The following TRMT44 variants were observed in gnomAD, a reference collection of about 807,000 sequenced individuals.
TRMT44 encodes the protein probable tRNA (uracil-O(2)-)-methyltransferase.
TRMT44 carries 78 observed loss-of-function variants against 77.3 expected under a neutral mutation model. The observed-to-expected ratio is 1.01, with a 90% CI of 0.84 to 1.22. TRMT44 has a LOEUF of 1.22. Among genes scored for constraint, TRMT44 ranks in the 50% most tolerant of loss-of-function variants. The probability of loss-of-function intolerance (pLI) is 0.00; values close to 1 mark genes in which losing one functional copy is unlikely to be tolerated. For missense variants in TRMT44, 1,090 were observed against 964.4 expected, an observed-to-expected ratio of 1.13 and a Z score of -1.73; for synonymous variants, 391 against 383.3, an observed-to-expected ratio of 1.02 and a Z score of -0.23.
At chr4:8,500,349 G>A in the TRMT44 span, among the ~76,000 whole-genome samples, 1 of 151,940 alleles carries the variant, frequency 6.6e-6, no homozygotes, top group South Asian at 2.1e-4. Context: ...AAAATTAGCT[G>A]GGCTTAGTGA....
intron 7 of TRMT44, among the ~76,000 whole-genome samples, chr4:8,464,338 A>G (rs1017164213): frequency 1.2e-4 from 18 of 152,232 alleles, no homozygotes; most frequent in African/African-American, 4.1e-4. Context: ...TGTTCACATT[A>G]TATCTCTGTT....
At chr4:8,441,756 G>A (rs143105117) in intron 1 of TRMT44, among the ~76,000 whole-genome samples, 90 of 152,266 alleles carry the variant, frequency 5.9e-4, no homozygotes, top group African/African-American at 2.0e-3. Context: ...AACACCACCC[G>A]TAGGGTACTC....
rs559841874 is a variant in TRMT44 at position 8,441,484 on chromosome 4, A to G, written c.619+43A>G. ...GTGGACGGATATGATTAGATAAAAA[A>G]GCATTCATAGAACCTCGGGTCAATG... On this transcript the variant is annotated intron_variant, in intron 1 of 10. Coordinates refer to ENST00000389737, the MANE Select transcript of TRMT44 (RefSeq NM_152544.3). The G allele has an allele frequency of 6.2e-6, 9 of 1,442,984 alleles. No homozygotes were observed. In the African/African-American group the frequency reaches 9.9e-5, roughly 16 times the overall value. The allele number at this position is 1,442,984 out of a possible 1,614,324, so 89.4% of individuals were successfully genotyped here. A position where few individuals can be genotyped will look rare whatever the true frequency, so the allele number is the denominator to read the frequency against.
chr4:8,491,446 G>A (rs1728000901), intron 2 of TRMT44, among the ~76,000 whole-genome samples: 1 of 152,250 alleles, frequency 6.6e-6, no homozygotes, highest in African/African-American at 2.4e-5. Context: ...GGGACTGGGT[G>A]CCGTGGAGCA....
the TRMT44 span, among the ~76,000 whole-genome samples, chr4:8,499,851 C>A: frequency 6.7e-6 from 1 of 148,382 alleles, no homozygotes; most frequent in African/African-American, 2.6e-5. Flanking sequence ...ACAATCTGCA[C>A]CCTGAACTCC....
the TRMT44 span, among the ~76,000 whole-genome samples, chr4:8,511,503 G>C: frequency 6.6e-6 from 1 of 152,238 alleles, no homozygotes; most frequent in Admixed American, 6.5e-5. Context: ...TCCTGGCTTG[G>C]TGCTGGTCAT....
At chr4:8,488,167 G>A (rs1727875707) in intron 2 of TRMT44, among the ~76,000 whole-genome samples, 1 of 152,208 alleles carries the variant, frequency 6.6e-6, no homozygotes, top group Non-Finnish European at 1.5e-5. Flanking sequence ...AGGACCTGAG[G>A]TCATAGGTGG....
At chr4:8,500,061 T>G in the TRMT44 span, among the ~76,000 whole-genome samples, 1 of 152,076 alleles carries the variant, frequency 6.6e-6, no homozygotes, top group Admixed American at 6.5e-5. Context: ...AGACCCTGTT[T>G]CTATGAAAAA....
downstream of TRMT44, among the ~76,000 whole-genome samples, chr4:8,498,328 G>A (rs1728209557): frequency 6.6e-6 from 1 of 152,170 alleles, no homozygotes; most frequent in African/African-American, 2.4e-5. The surrounding 1 kb of genome is among the most constrained non-coding windows in gnomAD (Gnocchi z 4.3). Flanking sequence ...GTGTTCTCCT[G>A]TATTCGTCTG....
intron 2 of TRMT44, among the ~76,000 whole-genome samples, chr4:8,448,431 G>A (rs887544268): frequency 2.0e-5 from 3 of 152,196 alleles, no homozygotes; most frequent in East Asian, 3.9e-4. Flanking sequence ...ACGGCAGAGT[G>A]TGGCCGAGGT....
At chr4:8,499,437 G>A in the TRMT44 span, among the ~76,000 whole-genome samples, 2 of 152,018 alleles carry the variant, frequency 1.3e-5, no homozygotes, top group East Asian at 1.9e-4. Flanking sequence ...CTCCATCCAC[G>A]GAGCCTCAGG....
At chr4:8,448,794 G>T (rs1725230232) in intron 2 of TRMT44, among the ~76,000 whole-genome samples, 1 of 152,242 alleles carries the variant, frequency 6.6e-6, no homozygotes, top group South Asian at 2.1e-4. Context: ...TCACCAGACG[G>T]ACCACTTGCC....
At chr4:8,458,418 T>C (rs1245527989) in intron 6 of TRMT44, among the ~76,000 whole-genome samples, 2 of 151,866 alleles carry the variant, frequency 1.3e-5, no homozygotes, top group Non-Finnish European at 2.9e-5. Flanking sequence ...CCACTTCCAC[T>C]CAATGAATAG....
chr4:8,462,901 T>A (rs917025979), intron 6 of TRMT44, among the ~76,000 whole-genome samples: 2 of 152,182 alleles, frequency 1.3e-5, no homozygotes, highest in African/African-American at 4.8e-5. Context: ...GAATCAAGAA[T>A]AAATAGTCCC....
the TRMT44 span, among the ~76,000 whole-genome samples, chr4:8,500,186 C>T: frequency 2.6e-5 from 4 of 152,072 alleles, no homozygotes; most frequent in African/African-American, 9.7e-5. Flanking sequence ...TGAAGTGAGA[C>T]TCTGTCTCTA....
At chr4:8,507,969 C>T in the TRMT44 span, among the ~76,000 whole-genome samples, 1 of 152,150 alleles carries the variant, frequency 6.6e-6, no homozygotes, top group Non-Finnish European at 1.5e-5. Flanking sequence ...CGTGACGGTG[C>T]AATCTTGGCT....
chr4:8,494,044 C>T (rs148477466), downstream of TRMT44, among the ~76,000 whole-genome samples: 535 of 149,108 alleles, frequency 3.6e-3, 16 homozygotes, highest in Admixed American at 0.028. Flanking sequence ...CTGAGAGATG[C>T]AGAAAACACC....
At chr4:8,487,980 G>A (rs946285711) in intron 2 of TRMT44, among the ~76,000 whole-genome samples, 28 of 152,194 alleles carry the variant, frequency 1.8e-4, no homozygotes, top group African/African-American at 6.0e-4. Flanking sequence ...TGTCTCCTTT[G>A]TCTCTACCAG....
chr4:8,444,691 C>T lies in TRMT44; in HGVS notation c.620-1785C>T, dbSNP rs562804475. On this transcript the variant is annotated intron_variant, in intron 1 of 10. Coordinates refer to ENST00000389737, the MANE Select transcript of TRMT44 (RefSeq NM_152544.3). This position sits in a 1 kb window ranked among gnomAD's most constrained non-coding sequence, Gnocchi z 4.0. ...GGGGTTACGGGCGTGAGCCACCTCT[C>T]CCGGCCACTATTGTACATTTTTAAA... Among the ~76,000 whole-genome samples, 7 of 152,352 alleles carry T rather than the reference C, an allele frequency of 4.6e-5. No individual in the cohort carries two copies. Among genetic ancestry groups the T allele is most frequent in the African/African-American group, 1.4e-4 (6 of 41,572 alleles).
Sources: gnomAD v4.1 joint callset for allele counts (sites outside exome capture counted in the v4.1 genomes callset) on GRCh38, gnomAD v4.1.1 for gene constraint, Gnocchi (gnomAD v3.1) non-coding constraint, MANE v1.5 for transcripts, NCBI Gene and HGNC (gene_info 2026-07-23, HGNC 2026-07-21) for gene names.